Variants in FUT8 observed in about 807,000 individuals in gnomAD.
FUT8 encodes fucosyltransferase 8.
FUT8 carries 29 observed loss-of-function variants against 71.3 expected under a neutral mutation model. That is an observed-to-expected ratio of 0.41 (90% CI 0.30 to 0.55). The LOEUF (loss-of-function observed/expected upper bound fraction) is 0.55, where lower values mean the gene tolerates loss of function less well. FUT8 is among the 20% of genes least tolerant of loss of function. FUT8 has a pLI of 0.34. For synonymous variants in FUT8, 254 were observed against 239.3 expected (o/e 1.06, Z -0.57); for missense variants, 544 against 702.1 (o/e 0.77, Z 2.55).
chr14:65,426,881 C>T (rs909408406), intron 1 of FUT8, among the ~76,000 whole-genome samples: 13 of 151,704 alleles, frequency 8.6e-5, no homozygotes, highest in African/African-American at 2.2e-4. Context: ...TTTTTTGAGA[C>T]GGAGTCTCTC....
intron 7 of FUT8, among the ~76,000 whole-genome samples, chr14:65,711,081 G>T (rs184877873): frequency 5.9e-5 from 9 of 152,250 alleles, no homozygotes; most frequent in Admixed American, 5.2e-4. Flanking sequence ...CCAGGACCAG[G>T]CCCCACCTCC....
Position 65,615,855 on chromosome 14 carries a change from A to G in FUT8, c.204-123A>G, listed in dbSNP as rs8012278. ...TGAAGAGAAAATTCCATTTGGTACTACTTTTGTGCTATATGGTTCAACAAC... is the reference window on the plus strand; with the variant it reads ...TGAAGAGAAAATTCCATTTGGTACTGCTTTTGTGCTATATGGTTCAACAAC... On this transcript the variant is annotated intron_variant, in intron 3 of 10. Transcript: ENST00000673929. 0.42 allele frequency: 267,336 copies of G among 638,516 alleles called. 62,171 individuals carry two copies. Among genetic ancestry groups the G allele is most frequent in the Non-Finnish European group, 0.5 (184,018 of 368,780 alleles). 39.6% of individuals were successfully genotyped at this position (638,516 alleles called of 1,614,324 possible).
chr14:65,506,834 C>T (rs1453657360), intron 2 of FUT8, among the ~76,000 whole-genome samples: 3 of 152,274 alleles, frequency 2.0e-5, no homozygotes, highest in Non-Finnish European at 4.4e-5. Flanking sequence ...TTATTGATTG[C>T]GGCAGCACCC....
chr14:65,691,588 T>G (rs914369879), intron 7 of FUT8, among the ~76,000 whole-genome samples: 3 of 152,070 alleles, frequency 2.0e-5, no homozygotes, highest in African/African-American at 7.3e-5. Context: ...TTGGTCATAG[T>G]GTATAATTCT....
intron 8 of FUT8, among the ~76,000 whole-genome samples, chr14:65,723,204 AG>A (rs1895512687): frequency 1.3e-5 from 2 of 151,500 alleles, no homozygotes; most frequent in South Asian, 4.2e-4. Context: ...ACATGCCTGT[AG>A]TACCAGCTGT....
At chr14:65,361,939 A>G in the FUT8 span, among the ~76,000 whole-genome samples, 1 of 152,064 alleles carries the variant, frequency 6.6e-6, no homozygotes, top group African/African-American at 2.4e-5. Context: ...CCCTATCTCT[A>G]TTTTATAAAC....
chr14:65,695,844 T>G (rs1340017833), intron 7 of FUT8, among the ~76,000 whole-genome samples: 1 of 152,158 alleles, frequency 6.6e-6, no homozygotes, highest in Non-Finnish European at 1.5e-5. Flanking sequence ...CTGCCTTCTC[T>G]GGTTTTAATG....
chr14:65,465,495 A>G (rs1480753519), intron 2 of FUT8, among the ~76,000 whole-genome samples: 1 of 152,078 alleles, frequency 6.6e-6, no homozygotes, highest in Non-Finnish European at 1.5e-5. Flanking sequence ...TTTTATTTTC[A>G]TGTACACTTA....
At chr14:65,734,874 G>T (rs1238333830) in intron 10 of FUT8, among the ~76,000 whole-genome samples, 2 of 152,138 alleles carry the variant, frequency 1.3e-5, no homozygotes. Flanking sequence ...TTAGACCAGA[G>T]AATTCTTTGT....
At chr14:65,445,099 C>A (rs1422713237) in intron 1 of FUT8, among the ~76,000 whole-genome samples, 1 of 152,044 alleles carries the variant, frequency 6.6e-6, no homozygotes, top group Non-Finnish European at 1.5e-5. Context: ...CCCAGCTACT[C>A]GGGAGGCTGA....
At chr14:65,412,303 T>C (rs1173342187), upstream of FUT8, 9 of 456,512 alleles carry the variant, frequency 2.0e-5, no homozygotes, top group Non-Finnish European at 8.8e-6. Context: ...CCCCTAAAAG[T>C]AGCAAGGAGC....
intron 9 of FUT8, among the ~76,000 whole-genome samples, chr14:65,732,073 G>GTT (rs1268866195): frequency 6.6e-6 from 1 of 152,134 alleles, no homozygotes; most frequent in African/African-American, 2.4e-5. Context: ...ATTTCTGGTT[G>GTT]TTTTCTTTTC....
At chr14:65,614,183 C>G (rs1889161718) in intron 3 of FUT8, among the ~76,000 whole-genome samples, 1 of 151,360 alleles carries the variant, frequency 6.6e-6, no homozygotes, top group Non-Finnish European at 1.5e-5. Context: ...AACTTAAGTT[C>G]CCTTAAACTG....
chr14:65,527,462 C>A (rs1042046411), intron 2 of FUT8, among the ~76,000 whole-genome samples: 1 of 152,104 alleles, frequency 6.6e-6, no homozygotes, highest in Admixed American at 6.6e-5. Flanking sequence ...GTTAATCCTT[C>A]GTCTAATCTT....
chr14:65,364,782 TCTC>T, the FUT8 span, among the ~76,000 whole-genome samples: 1 of 152,160 alleles, frequency 6.6e-6, no homozygotes, highest in South Asian at 2.1e-4. Flanking sequence ...CTGAGATGAC[TCTC>T]CTAATAGGCC....
the FUT8 span, among the ~76,000 whole-genome samples, chr14:65,402,550 C>T: frequency 3.9e-5 from 6 of 152,054 alleles, no homozygotes; most frequent in Admixed American, 6.5e-5. Flanking sequence ...CGCCTGTAAT[C>T]GCAGCTACTT....
chr14:65,684,505 G>C lies in FUT8; in HGVS notation c.835+15025G>C, dbSNP rs549930117. On this transcript the variant is annotated intron_variant, in intron 7 of 10. Transcript: ENST00000673929. The stretch of plus-strand genomic sequence containing the variant: ...TTCTTTAAAAATAGTGGAAAGAAAT[G>C]GTTCCAAAAGCTATATTTTGAAGCT... 2.6e-5 allele frequency among the ~76,000 whole-genome samples: 4 copies of C among 152,256 alleles called. No homozygotes were observed. In the South Asian group the frequency reaches 8.3e-4, roughly 32 times the overall value.
intron 7 of FUT8, among the ~76,000 whole-genome samples, chr14:65,671,570 C>T (rs534658384): frequency 6.6e-6 from 1 of 152,112 alleles, no homozygotes; most frequent in Non-Finnish European, 1.5e-5. Context: ...AAACTCATGC[C>T]AAACACTTTA....
intron 7 of FUT8, among the ~76,000 whole-genome samples, chr14:65,715,695 T>G (rs1166619115): frequency 1.3e-5 from 2 of 152,242 alleles, no homozygotes; most frequent in Non-Finnish European, 2.9e-5. Flanking sequence ...TTTAATTTCC[T>G]TCTTAATTTC....
Sources: allele counts gnomAD v4.1 joint callset (sites outside exome capture counted in the v4.1 genomes callset), GRCh38; gene constraint gnomAD v4.1.1; transcripts MANE v1.5; gene names NCBI Gene and HGNC (gene_info 2026-07-23, HGNC 2026-07-21).